NBEA: variants seen among roughly 807,000 people sequenced by gnomAD.
The protein encoded by NBEA is lysosomal-trafficking regulator 2.
Under a neutral mutation model 343.4 loss-of-function variants are expected in NBEA, and 44 were observed. The observed-to-expected ratio is 0.13, with a 90% CI of 0.10 to 0.16. NBEA has a LOEUF of 0.16. Ranked by LOEUF, NBEA falls within the 10% of genes least tolerant of loss-of-function variation. NBEA has a pLI of 1.00. For synonymous variants in NBEA, 1,175 were observed against 1,238.7 expected (o/e 0.95, Z 1.08); for missense variants, 2,555 against 3,631.3 (o/e 0.70, Z 7.62).
intron 34 of NBEA, among the ~76,000 whole-genome samples, chr13:35,281,507 T>G (rs1247035951): frequency 2.0e-5 from 3 of 152,168 alleles, no homozygotes; most frequent in Admixed American, 6.6e-5. Context: ...GACCTCTACT[T>G]GAACCTGCCT....
chr13:35,168,953 G>T, intron 24 of NBEA, 34 bp from the exon 25 acceptor site: 2 of 1,362,424 alleles, frequency 1.5e-6, no homozygotes, highest in South Asian at 2.0e-5. Flanking sequence ...TGTACTTTTT[G>T]GTCTGTTGTC....
intron 38 of NBEA, among the ~76,000 whole-genome samples, chr13:35,394,329 T>C (rs2042639918): frequency 6.6e-6 from 1 of 152,152 alleles, no homozygotes; most frequent in South Asian, 2.1e-4. Flanking sequence ...CTCTCCTTTC[T>C]TCCCTCACTC....
chr13:35,264,779 G>A (rs753842351), intron 34 of NBEA, among the ~76,000 whole-genome samples: 5 of 151,950 alleles, frequency 3.3e-5, no homozygotes, highest in Admixed American at 2.6e-4. Context: ...AACACGACTA[G>A]CATCATATTC....
chr13:35,458,202 C>T (rs929961492), intron 40 of NBEA, among the ~76,000 whole-genome samples: 1 of 152,174 alleles, frequency 6.6e-6, no homozygotes, highest in Non-Finnish European at 1.5e-5. Context: ...GTTTCAATTT[C>T]TCCATATCCT....
At chr13:35,307,939 T>A (rs1431964325) in intron 35 of NBEA, among the ~76,000 whole-genome samples, 1 of 152,042 alleles carries the variant, frequency 6.6e-6, no homozygotes, top group East Asian at 1.9e-4. Context: ...ATAGCAGTCT[T>A]GTCATTTGGA....
intron 26 of NBEA, among the ~76,000 whole-genome samples, chr13:35,172,439 A>C (rs947756815): frequency 3.3e-5 from 5 of 151,934 alleles, no homozygotes; most frequent in African/African-American, 1.2e-4. Flanking sequence ...TGTCAAATGA[A>C]CTGTGTGAGA....
chr13:35,654,970 A>T lies in NBEA; in HGVS notation c.8151A>T (p.Gly2717=). 1 of 1,566,872 alleles carries T rather than the reference A, an allele frequency of 6.4e-7. No individual in the cohort carries two copies. Among genetic ancestry groups the T allele is most frequent in the South Asian group, 1.2e-5 (1 of 81,330 alleles). The change falls in exon 54 of 59, where the codon GGA becomes GGT. Residue 2717 remains glycine, a synonymous_variant. Coordinates refer to ENST00000379939, the MANE Select transcript of NBEA (RefSeq NM_001385012.1). The part of the protein sequence containing the change: ...TADNRYILIC[G]FWDKSFRVYS... ...ATAATCGCTATATTCTTATCTGTGG[A>T]TTCTGGGATAAGAGCTTCAGAGTTT... is the stretch of plus-strand genomic sequence containing the variant.
At chr13:35,190,091 T>C (rs775529574) in intron 30 of NBEA, among the ~76,000 whole-genome samples, 1 of 152,092 alleles carries the variant, frequency 6.6e-6, no homozygotes, top group Non-Finnish European at 1.5e-5. Context: ...CTTAGAGCAT[T>C]ATAACTATTT....
intron 48 of NBEA, among the ~76,000 whole-genome samples, chr13:35,619,346 T>C (rs1029514511): frequency 1.3e-5 from 2 of 151,942 alleles, no homozygotes; most frequent in East Asian, 3.9e-4. Flanking sequence ...GAGCATGACA[T>C]AGAGTTTTAC....
At chr13:35,419,044 T>C (rs1263500886) in intron 38 of NBEA, among the ~76,000 whole-genome samples, 1 of 152,050 alleles carries the variant, frequency 6.6e-6, no homozygotes, top group Non-Finnish European at 1.5e-5. Context: ...TACAATATTT[T>C]TAATAATTTT....
intron 44 of NBEA, among the ~76,000 whole-genome samples, chr13:35,559,868 T>A (rs2079774542): frequency 2.0e-5 from 3 of 149,104 alleles, no homozygotes; most frequent in African/African-American, 7.4e-5. Context: ...GAGGCGGAGC[T>A]TGCAGGGAGC....
At chr13:35,203,610 A>G (rs958224400) in intron 31 of NBEA, among the ~76,000 whole-genome samples, 1 of 152,160 alleles carries the variant, frequency 6.6e-6, no homozygotes, top group Admixed American at 6.5e-5. Context: ...TCAGTTCCAC[A>G]CACATTGCAA....
At chr13:35,413,792 A>G (rs1330638567) in intron 38 of NBEA, among the ~76,000 whole-genome samples, 1 of 152,168 alleles carries the variant, frequency 6.6e-6, no homozygotes, top group Non-Finnish European at 1.5e-5. Flanking sequence ...CATGAACAAA[A>G]TATACATATG....
chr13:35,663,724 TTTATAAA>T (rs2085214687), intron 55 of NBEA, among the ~76,000 whole-genome samples: 1 of 152,164 alleles, frequency 6.6e-6, no homozygotes, highest in Admixed American at 6.5e-5. Context: ...GAAACATAAT[TTTATAAA>T]TTATATAAAT....
At chr13:35,064,341 G>A (rs1364565607) in intron 8 of NBEA, among the ~76,000 whole-genome samples, 6 of 151,766 alleles carry the variant, frequency 4.0e-5, no homozygotes, top group African/African-American at 1.5e-4. Context: ...AGGAGAGTGT[G>A]GTGTTTTAAC....
chr13:35,062,602 A>T (rs951076187), intron 8 of NBEA, among the ~76,000 whole-genome samples: 1 of 151,824 alleles, frequency 6.6e-6, no homozygotes, highest in Admixed American at 6.6e-5. Context: ...GCAGAGGAAA[A>T]CTAGACATTG....
At chr13:35,081,185 C>T (rs527496405) in intron 10 of NBEA, among the ~76,000 whole-genome samples, 4 of 152,240 alleles carry the variant, frequency 2.6e-5, no homozygotes, top group South Asian at 4.1e-4. Flanking sequence ...TCCTATTTTT[C>T]TGGTGGCTGT....
chr13:35,119,101 G>A (rs1480982567), intron 16 of NBEA, among the ~76,000 whole-genome samples: 18 of 152,108 alleles, frequency 1.2e-4, no homozygotes, highest in African/African-American at 2.9e-4. Flanking sequence ...GGAATAACAG[G>A]CCAAAGCCAA....
chr13:35,414,387 C>A (rs180952966), intron 38 of NBEA, among the ~76,000 whole-genome samples: 98 of 152,148 alleles, frequency 6.4e-4, no homozygotes, highest in African/African-American at 2.3e-3. Flanking sequence ...TCCCTCCCCC[C>A]ACCTCACGAC....
Sources: gnomAD v4.1 joint callset for allele counts (sites outside exome capture counted in the v4.1 genomes callset) on GRCh38, gnomAD v4.1.1 for gene constraint, MANE v1.5 for transcripts, NCBI Gene and HGNC (gene_info 2026-07-23, HGNC 2026-07-21) for gene names.